ICA1L: variants seen among roughly 807,000 people sequenced by gnomAD.
The protein encoded by ICA1L is islet cell autoantigen 1 like, also known as islet cell autoantigen 1-like protein.
A neutral mutation model predicts 61.3 loss-of-function variants in ICA1L; 50 were observed. The observed-to-expected ratio is 0.82, with a 90% confidence interval of 0.65 to 1.03. The LOEUF (loss-of-function observed/expected upper bound fraction) is 1.03, where lower values mean the gene tolerates loss of function less well. Among genes scored for constraint, ICA1L ranks in the 50% least tolerant of loss-of-function variants. The pLI, the probability that ICA1L is intolerant of heterozygous loss-of-function variation, is 0.00. For missense variants in ICA1L, 508 were observed against 556.7 expected (o/e 0.91, Z 0.88); for synonymous variants, 161 against 191.3 (o/e 0.84, Z 1.31).
At chr2:202,828,301 T>C (rs1193511648) in intron 2 of ICA1L, among the ~76,000 whole-genome samples, 1 of 151,316 alleles carries the variant, frequency 6.6e-6, no homozygotes, top group African/African-American at 2.4e-5. Flanking sequence ...AATTCATTTA[T>C]ATTACACTCT....
chr2:202,793,493 C>CT (rs1559129225), intron 10 of ICA1L, among the ~76,000 whole-genome samples: 2 of 39,260 alleles, frequency 5.1e-5, no homozygotes, highest in African/African-American at 2.1e-4. Context: ...CCCGTCTCTA[C>CT]TAAAAAAAAA....
intron 9 of ICA1L, among the ~76,000 whole-genome samples, chr2:202,804,433 T>C (rs1454002766): frequency 1.3e-5 from 2 of 152,242 alleles, no homozygotes; most frequent in East Asian, 1.9e-4. Context: ...AAAGTAAAAA[T>C]TGTCTTACTA....
At position 202,773,191 on chromosome 2, in the gene ICA1L, T is replaced by A. The variant is rs1574312509; in HGVS notation, c.*6342A>T. The A allele has an allele frequency of 1.3e-5, 2 of 152,356 alleles. No individual in the cohort carries two copies. The highest frequency in any genetic ancestry group is 3.9e-4 in the East Asian group (2 of 5,190). The allele number at this position is 152,356 out of a possible 1,614,324, so 9.4% of individuals were successfully genotyped here. A position where few individuals can be genotyped will look rare whatever the true frequency, so the allele number is the denominator to read the frequency against. On this transcript the variant is annotated 3_prime_UTR_variant, in exon 13 of 13. Transcript: ENST00000358299. ...AGTGTCAACATCTTTATTGCTAATA[T>A]AAGCATTTAATGTCAAAGAAATGAA...
At chr2:202,832,926 A>G (rs1326923607) in intron 1 of ICA1L, among the ~76,000 whole-genome samples, 1 of 152,204 alleles carries the variant, frequency 6.6e-6, no homozygotes, top group Non-Finnish European at 1.5e-5. Context: ...GAAGAGATAG[A>G]ATGGGATAGA....
chr2:202,834,536 G>C (rs544045412), intron 1 of ICA1L, among the ~76,000 whole-genome samples: 65 of 152,278 alleles, frequency 4.3e-4, no homozygotes, highest in African/African-American at 1.3e-3. Flanking sequence ...GCTGAGGTGG[G>C]AGGATCACTT....
intron 11 of ICA1L, chr2:202,786,863 A>G: frequency 2.5e-6 from 1 of 397,386 alleles, no homozygotes; most frequent in Non-Finnish European, 4.9e-6. Flanking sequence ...TTAAAATGTC[A>G]TTATGAATAC....
chr2:202,840,196 G>A (rs925355274), intron 1 of ICA1L: 9 of 325,080 alleles, frequency 2.8e-5, no homozygotes, highest in East Asian at 9.7e-5. Flanking sequence ...GTAAACTCAC[G>A]AACGGGTGGG....
intron 9 of ICA1L, among the ~76,000 whole-genome samples, chr2:202,810,183 T>C (rs1226241664): frequency 1.3e-5 from 2 of 152,192 alleles, no homozygotes; most frequent in Non-Finnish European, 2.9e-5. Context: ...CAGGAGAAAG[T>C]GGGATGACAT....
intron 1 of ICA1L, chr2:202,841,268 C>T: frequency 1.4e-6 from 1 of 735,732 alleles, no homozygotes; most frequent in Non-Finnish European, 2.5e-6. Flanking sequence ...AGTCTTCCAC[C>T]AGCCCTGGCA....
rs534186006 is a variant in ICA1L at position 202,851,696 on chromosome 2, C to G, written c.-8+19923G>C. Among the ~76,000 whole-genome samples, 15 of 152,238 alleles carry G rather than the reference C, an allele frequency of 9.9e-5. 1 individual carries two copies. The South Asian group carries it at 2.1e-3, about 21-fold the overall frequency. ...TGTTGTTTCCTGAGTTTTTAATGAT[C>G]GCCATTCTAACTGGTGTCAGATGGT... On this transcript the variant is annotated intron_variant, in intron 1 of 12. Coordinates refer to ENST00000358299, the MANE Select transcript of ICA1L (RefSeq NM_001288622.3).
At chr2:202,800,173 G>A (rs981368888) in intron 9 of ICA1L, among the ~76,000 whole-genome samples, 2 of 151,956 alleles carry the variant, frequency 1.3e-5, no homozygotes, top group Non-Finnish European at 2.9e-5. Flanking sequence ...GAGCCACCGC[G>A]CCTGGCCTGC....
rs1692298636 is a variant in ICA1L, at chr2:202,778,662, G to C, written c.*871C>G. ...GGAATACTATTGCCAGTTGCTTAGG[G>C]AATATTCTCCCCTCATTTTATTTTC... On this transcript the variant is annotated 3_prime_UTR_variant, in exon 13 of 13. Coordinates refer to ENST00000358299, the MANE Select transcript of ICA1L (RefSeq NM_001288622.3). 1 of 152,504 alleles carries C rather than the reference G, an allele frequency of 6.6e-6. No homozygotes were observed. The highest frequency in any genetic ancestry group is 1.9e-4 in the East Asian group (1 of 5,182). 9.4% of individuals were successfully genotyped at this position (152,504 alleles called of 1,614,324 possible).
intron 1 of ICA1L, among the ~76,000 whole-genome samples, chr2:202,842,025 A>AT (rs1025048808): frequency 2.5e-4 from 37 of 149,940 alleles, no homozygotes; most frequent in South Asian, 6.3e-4. Flanking sequence ...TAATTTTGGT[A>AT]TTTTTTTTTA....
At chr2:202,866,929 A>T (rs1480999694) in intron 1 of ICA1L, among the ~76,000 whole-genome samples, 5 of 152,176 alleles carry the variant, frequency 3.3e-5, no homozygotes, top group African/African-American at 1.2e-4. Flanking sequence ...CCAGGGCGAG[A>T]GCACGAGACT....
intron 1 of ICA1L, among the ~76,000 whole-genome samples, chr2:202,835,013 T>G (rs1212559302): frequency 6.6e-6 from 1 of 152,010 alleles, no homozygotes; most frequent in Non-Finnish European, 1.5e-5. Flanking sequence ...TTTTTATTTT[T>G]GTAGTGACAA....
At chr2:202,859,797 A>G (rs1236483361) in intron 1 of ICA1L, among the ~76,000 whole-genome samples, 1 of 152,174 alleles carries the variant, frequency 6.6e-6, no homozygotes, top group East Asian at 1.9e-4. Flanking sequence ...TGCTTACTAA[A>G]ATAATAATCA....
chr2:202,803,684 C>T (rs1158948478), intron 9 of ICA1L, among the ~76,000 whole-genome samples: 2 of 151,948 alleles, frequency 1.3e-5, no homozygotes, highest in South Asian at 2.1e-4. Context: ...TACAGGTGCA[C>T]GCCACCACAC....
Position 202,774,188 on chromosome 2 carries a change from A to G in ICA1L, c.*5345T>C, listed in dbSNP as rs1297457414. 2 of 1,550,792 alleles carry G rather than the reference A, an allele frequency of 1.3e-6. No homozygotes were observed. The highest frequency in any genetic ancestry group is 1.7e-6 in the Non-Finnish European group (2 of 1,146,460). On this transcript the variant is annotated 3_prime_UTR_variant, in exon 13 of 13. Transcript: ENST00000358299. ...GAGCGGCTTCTTGGAGAGCGGGCAC[A>G]CCAGGAACTCCAGCAGCGCCGGATC...
chr2:202,811,638 G>C, intron 9 of ICA1L, 108 bp downstream of exon 9: 1 of 777,538 alleles, frequency 1.3e-6, no homozygotes, highest in Non-Finnish European at 2.1e-6. Flanking sequence ...CTCCAGCCTG[G>C]GGGACAGAGC....
Sources: allele counts gnomAD v4.1 joint callset (sites outside exome capture counted in the v4.1 genomes callset), GRCh38; gene constraint gnomAD v4.1.1; transcripts MANE v1.5; gene names NCBI Gene and HGNC (gene_info 2026-07-23, HGNC 2026-07-21).